Variants in CSTF3 observed in about 807,000 individuals in gnomAD.
CSTF3 encodes CF-1 77 kDa subunit.
CSTF3 carries 29 observed loss-of-function variants against 105.8 expected under a neutral mutation model. The ratio of observed to expected loss-of-function variants is 0.27; its 90% CI spans 0.20 to 0.37. The LOEUF (loss-of-function observed/expected upper bound fraction) is 0.37. Among genes scored for constraint, CSTF3 ranks in the 10% least tolerant of loss-of-function variants. The probability of loss-of-function intolerance (pLI) is 1.00; values close to 1 mark genes in which losing one functional copy is unlikely to be tolerated. For missense variants in CSTF3, 357 were observed against 879.3 expected, an observed-to-expected ratio of 0.41 and a Z score of 7.51; for synonymous variants, 252 against 281.9, an observed-to-expected ratio of 0.89 and a Z score of 1.06.
intron 1 of CSTF3, among the ~76,000 whole-genome samples, chr11:33,145,850 A>G (rs1855775301): frequency 6.6e-6 from 1 of 152,098 alleles, no homozygotes; most frequent in Admixed American, 6.6e-5. Context: ...AATATAAACC[A>G]GAAAACAAAG....
At position 33,090,419 on chromosome 11, in the gene CSTF3, A is replaced by G. The variant is rs974303280; in HGVS notation, c.1641+113T>C. 1.5e-5 allele frequency: 10 copies of G among 653,788 alleles called. No homozygotes were observed. In the African/African-American group the frequency reaches 1.9e-4, roughly 12 times the overall value. The allele number at this position is 653,788 out of a possible 1,614,324, so 40.5% of individuals were successfully genotyped here. ...TGAACTTTTTTCTTGCTTCCTGCAA[A>G]TCTATTCTAAAACTAGATTCACATT... On this transcript the variant is annotated intron_variant, in intron 17 of 20. Coordinates refer to ENST00000323959, the MANE Select transcript of CSTF3 (RefSeq NM_001326.3).
intron 1 of CSTF3, among the ~76,000 whole-genome samples, chr11:33,155,265 G>A (rs1849847882): frequency 2.0e-5 from 3 of 152,008 alleles, no homozygotes; most frequent in Admixed American, 6.6e-5. Context: ...TAGGGAGGCT[G>A]AGGTAGGAGA....
At position 33,107,989 on chromosome 11, in the gene CSTF3, T is replaced by C. The variant is rs376868673; in HGVS notation, c.270A>G (p.Arg90=). 128 of 1,598,816 alleles carry C rather than the reference T, an allele frequency of 8.0e-5. No homozygotes were observed. The highest frequency in any genetic ancestry group is 1.0e-4 in the Non-Finnish European group (122 of 1,169,926). ...CAATGTGCAAAACCTTCATAAGGCA[T>C]CTCTGAAATAGCTTTAAATACAAGA... is the stretch of plus-strand genomic sequence containing the variant. ...NYDKVEKLFQ[R]CLMKVLHIDL... is the part of the protein sequence containing the mutation. Residue 90 remains arginine (R), a synonymous_variant, in exon 5 of 21, where the codon AGA becomes AGG. Transcript: ENST00000323959.
At chr11:33,117,935 A>G (rs1412229456) in intron 3 of CSTF3, among the ~76,000 whole-genome samples, 1 of 151,954 alleles carries the variant, frequency 6.6e-6, no homozygotes, top group African/African-American at 2.4e-5. Flanking sequence ...TGTTGACCAA[A>G]ACTATTTTCA....
chr11:33,136,117 T>C (rs961942595), intron 3 of CSTF3: 1 of 152,494 alleles, frequency 6.6e-6, no homozygotes, highest in Non-Finnish European at 1.5e-5. Context: ...CTTACCCACA[T>C]TATGCTTTCC....
intron 5 of CSTF3, among the ~76,000 whole-genome samples, chr11:33,107,157 T>C (rs1197411621): frequency 6.6e-6 from 1 of 150,538 alleles, no homozygotes; most frequent in Non-Finnish European, 1.5e-5. Context: ...TACAAAAAAA[T>C]AGAAAAAAAA....
chr11:33,126,650 T>G (rs1385795261), intron 3 of CSTF3, among the ~76,000 whole-genome samples: 1 of 152,208 alleles, frequency 6.6e-6, no homozygotes, highest in Admixed American at 6.5e-5. Flanking sequence ...CAATTTTATA[T>G]TCATGAAAAT....
At chr11:33,105,488 G>T in intron 8 of CSTF3, 79 bp downstream of exon 8, 2 of 1,316,678 alleles carry the variant, frequency 1.5e-6, no homozygotes, top group Non-Finnish European at 2.1e-6. Flanking sequence ...ATACAGAAAG[G>T]CTATAATCTA....
Position 33,085,257 on chromosome 11 carries a change from C to A in CSTF3, c.1984G>T (p.Gly662Trp). 1 of 1,566,984 alleles carries A rather than the reference C, an allele frequency of 6.4e-7. No individual in the cohort carries two copies. Among genetic ancestry groups the A allele is most frequent in the Admixed American group, 2.0e-5 (1 of 49,892 alleles). Reference protein sequence around the residue: ...VEEAVRIITGGAPELAVEGNG... With the variant: ...VEEAVRIITGWAPELAVEGNG... ...CCTTCTACAGCTAGCTCTGGGGCCC[C>A]ACCAGTAATGATCCTCACAGCTTCC... The change falls in exon 21 of 21, where the codon GGG (glycine) becomes TGG (tryptophan). Residue 662 changes from glycine to tryptophan, a missense_variant. Physicochemically the swap from Gly to Trp is radical, Grantham distance 184. This residue lies in a region of CSTF3 where 73 missense variants were observed against 105.8 expected (regional missense o/e 0.69). Transcript: ENST00000323959.
chr11:33,116,495 A>C (rs945994350), intron 3 of CSTF3, among the ~76,000 whole-genome samples: 1 of 152,202 alleles, frequency 6.6e-6, no homozygotes, highest in African/African-American at 2.4e-5. Context: ...AGGAGTCTGT[A>C]CAAGTCAATG....
At chr11:33,154,491 C>CTTTTT (rs34462847) in intron 1 of CSTF3, among the ~76,000 whole-genome samples, 123 of 60,870 alleles carry the variant, frequency 2.0e-3, no homozygotes, top group Non-Finnish European at 3.2e-3. Flanking sequence ...GTAAGACTTT[C>CTTTTT]TTTTTTTTTT....
chr11:33,112,848 G>T (rs1590270409), intron 3 of CSTF3, among the ~76,000 whole-genome samples: 1 of 152,180 alleles, frequency 6.6e-6, no homozygotes, highest in South Asian at 2.1e-4. Context: ...GGGATTCTCA[G>T]AACTTCCTGC....
In CSTF3 at chr11:33,102,476, CTATT is replaced by C. The variant is rs201166183; in HGVS notation, c.664-141_664-138del. Reference sequence around the variant, plus strand: ...CCACTTTGTTAATATAATCTAAAAACTATTTAAGAGTAGAGAGAAAGATAAGAGT... The same window carrying C: ...CCACTTTGTTAATATAATCTAAAAACTAAGAGTAGAGAGAAAGATAAGAGT... On this transcript the variant is annotated intron_variant, in intron 9 of 20. Coordinates refer to ENST00000323959, the MANE Select transcript of CSTF3 (RefSeq NM_001326.3). The C allele has an allele frequency of 2.5e-3, 1,883 of 744,770 alleles. 24 individuals carry two copies. In the African/African-American group the frequency reaches 0.03, roughly 12 times the overall value. 46.1% of individuals were successfully genotyped at this position (744,770 alleles called of 1,614,324 possible).
intron 1 of CSTF3, among the ~76,000 whole-genome samples, chr11:33,148,185 A>G (rs1855807748): frequency 6.6e-6 from 1 of 152,158 alleles, no homozygotes; most frequent in Non-Finnish European, 1.5e-5. Context: ...GCATAATCAC[A>G]ATAAGACGTA....
chr11:33,113,653 AAAT>A (rs1855402598), intron 3 of CSTF3, among the ~76,000 whole-genome samples: 1 of 152,222 alleles, frequency 6.6e-6, no homozygotes, highest in Non-Finnish European at 1.5e-5. Flanking sequence ...TATTGAGAAA[AAAT>A]AATAAATTTT....
intron 1 of CSTF3, among the ~76,000 whole-genome samples, chr11:33,142,899 CACT>C (rs1339507655): frequency 2.0e-5 from 3 of 152,182 alleles, no homozygotes; most frequent in African/African-American, 7.2e-5. Context: ...TGAAAAATTC[CACT>C]GTATGCCCGT....
At chr11:33,134,175 TG>T (rs1234360118) in intron 3 of CSTF3, among the ~76,000 whole-genome samples, 6 of 152,264 alleles carry the variant, frequency 3.9e-5, no homozygotes, top group Non-Finnish European at 8.8e-5. Context: ...GCAACTTTTT[TG>T]TAAGTTCAAA....
chr11:33,133,448 G>A (rs770595423), intron 3 of CSTF3, among the ~76,000 whole-genome samples: 1 of 152,178 alleles, frequency 6.6e-6, no homozygotes, highest in Non-Finnish European at 1.5e-5. Flanking sequence ...TCACCAATAT[G>A]GGACAAATGA....
chr11:33,161,172 T>C (rs952452376), intron 1 of CSTF3, 127 bp downstream of exon 1: 6 of 941,442 alleles, frequency 6.4e-6, no homozygotes, highest in African/African-American at 1.7e-5. Context: ...CCCACCACTC[T>C]TCTATATACC....
Sources: allele counts gnomAD v4.1 joint callset (sites outside exome capture counted in the v4.1 genomes callset), GRCh38; gene constraint gnomAD v4.1.1; regional missense constraint gnomAD v4.1.1; transcripts MANE v1.5; gene names NCBI Gene and HGNC (gene_info 2026-07-23, HGNC 2026-07-21).